HECTD2: variants seen among roughly 807,000 people sequenced by gnomAD.
HECTD2 encodes HECT domain E3 ubiquitin protein ligase 2.
HECTD2 carries 35 observed loss-of-function variants against 103.2 expected under a neutral mutation model. The ratio of observed to expected loss-of-function variants is 0.34; its 90% confidence interval spans 0.26 to 0.45. The LOEUF is 0.45. Among genes scored for constraint, HECTD2 ranks in the 20% least tolerant of loss-of-function variants. The pLI, the probability that HECTD2 is intolerant of heterozygous loss-of-function variation, is 1.00. For missense variants in HECTD2, 596 were observed against 937.4 expected, an observed-to-expected ratio of 0.64 and a Z score of 4.76; for synonymous variants, 281 against 329.9, an observed-to-expected ratio of 0.85 and a Z score of 1.61.
At chr10:91,433,933 T>A (rs1283372965) in intron 2 of HECTD2, among the ~76,000 whole-genome samples, 1 of 152,000 alleles carries the variant, frequency 6.6e-6, no homozygotes, top group Non-Finnish European at 1.5e-5. Flanking sequence ...GTAAGGTATG[T>A]CCAGATTAAG....
chr10:91,504,314 T>C (rs553713598), intron 20 of HECTD2, among the ~76,000 whole-genome samples: 41 of 151,956 alleles, frequency 2.7e-4, no homozygotes, highest in African/African-American at 9.9e-4. Flanking sequence ...AGGCTTCAGA[T>C]GATCAAATTA....
At chr10:91,508,837 C>T (rs988469489) in intron 20 of HECTD2, among the ~76,000 whole-genome samples, 12 of 151,890 alleles carry the variant, frequency 7.9e-5, no homozygotes, top group African/African-American at 1.9e-4. Context: ...ATGTTTATTG[C>T]GGTATTATTC....
intron 5 of HECTD2, chr10:91,462,494 G>A (rs771308307): frequency 1.3e-4 from 151 of 1,147,934 alleles, no homozygotes; most frequent in Non-Finnish European, 1.3e-4. Context: ...CTGTAGATCA[G>A]TGGTTCTTAA....
intron 2 of HECTD2, among the ~76,000 whole-genome samples, chr10:91,454,312 G>A (rs945427247): frequency 6.6e-6 from 1 of 152,074 alleles, no homozygotes; most frequent in African/African-American, 2.4e-5. Context: ...TTGAGATAAT[G>A]TAAAGTGTGT....
At chr10:91,461,120 T>A (rs1020914627) in intron 3 of HECTD2, 134 bp from the exon 4 acceptor site, 3 of 472,600 alleles carry the variant, frequency 6.3e-6, no homozygotes, top group African/African-American at 6.2e-5. Flanking sequence ...ATCCATAAAC[T>A]ATATTAACTG....
chr10:91,508,217 G>A lies in HECTD2; in HGVS notation c.2211-4047G>A, dbSNP rs1335788952. On this transcript the variant is annotated intron_variant, in intron 20 of 20. Transcript: ENST00000298068. ...CATTCAGGACATAGGCATGGGCAAG[G>A]ACTTCATGTCTAAAACACCAAAAGC... Among the ~76,000 whole-genome samples the A allele has an allele frequency of 3.3e-3, 429 of 128,984 alleles. 3 individuals are homozygous for A. The highest frequency in any genetic ancestry group is 7.5e-3 in the Middle Eastern group (2 of 268). The allele number at this position is 128,984 out of a possible 152,430, so 84.6% of individuals were successfully genotyped here.
intron 2 of HECTD2, among the ~76,000 whole-genome samples, chr10:91,431,499 C>T (rs1446818738): frequency 6.6e-6 from 1 of 152,096 alleles, no homozygotes; most frequent in East Asian, 1.9e-4. Context: ...CCATTCTCCC[C>T]GTCACTTTCA....
At chr10:91,411,019 T>G (rs758101038) in intron 1 of HECTD2, among the ~76,000 whole-genome samples, 7 of 152,198 alleles carry the variant, frequency 4.6e-5, no homozygotes, top group Non-Finnish European at 8.8e-5. Context: ...CCCTTCCCCC[T>G]TCAGATTAAA....
intron 5 of HECTD2, among the ~76,000 whole-genome samples, chr10:91,475,920 G>A (rs1334349702): frequency 6.6e-6 from 1 of 152,158 alleles, no homozygotes; most frequent in Non-Finnish European, 1.5e-5. Flanking sequence ...GACCCTGGAG[G>A]TGGGGACCTG....
At chr10:91,479,947 C>T (rs970065564) in intron 6 of HECTD2, among the ~76,000 whole-genome samples, 1 of 152,014 alleles carries the variant, frequency 6.6e-6, no homozygotes, top group African/African-American at 2.4e-5. Context: ...AAGTTTTCCA[C>T]CTACTTTTGC....
chr10:91,452,044 G>T (rs1374842389), intron 2 of HECTD2, among the ~76,000 whole-genome samples: 1 of 152,052 alleles, frequency 6.6e-6, no homozygotes, highest in Admixed American at 6.6e-5. Context: ...GAATGGAGGG[G>T]ATAGGAATCA....
chr10:91,477,645 A>C (rs1400063317), intron 5 of HECTD2, among the ~76,000 whole-genome samples: 1 of 152,252 alleles, frequency 6.6e-6, no homozygotes, highest in African/African-American at 2.4e-5. Flanking sequence ...TTTAAATAAA[A>C]GCATAATATA....
chr10:91,499,000 G>C (rs1846788176), intron 17 of HECTD2, 41 bp downstream of exon 17: 1 of 1,551,510 alleles, frequency 6.4e-7, no homozygotes, highest in Non-Finnish European at 8.9e-7. Context: ...ATTAGTATTT[G>C]CCATTTACTT....
chr10:91,427,185 A>C (rs1420228619), intron 2 of HECTD2, among the ~76,000 whole-genome samples: 3 of 151,320 alleles, frequency 2.0e-5, no homozygotes, highest in Non-Finnish European at 4.4e-5. Context: ...TGAACTCATC[A>C]TTTTTTATGG....
intron 5 of HECTD2, among the ~76,000 whole-genome samples, chr10:91,466,678 G>A (rs1409457556): frequency 2.6e-5 from 4 of 152,080 alleles, no homozygotes; most frequent in South Asian, 2.1e-4. Context: ...ACCCAAATGA[G>A]TTAACAATTT....
chr10:91,485,559 C>T, intron 10 of HECTD2: 1 of 323,498 alleles, frequency 3.1e-6, no homozygotes, highest in Non-Finnish European at 5.5e-6. Context: ...TCTTAATATG[C>T]AGTCTCTTAT....
chr10:91,449,550 C>G (rs553680043), intron 2 of HECTD2, among the ~76,000 whole-genome samples: 1 of 152,190 alleles, frequency 6.6e-6, no homozygotes, highest in East Asian at 1.9e-4. Flanking sequence ...CCAGGGCAAT[C>G]AGGCAAGTGA....
chr10:91,470,625 G>A (rs1380437757), intron 5 of HECTD2, among the ~76,000 whole-genome samples: 1 of 151,912 alleles, frequency 6.6e-6, no homozygotes, highest in Non-Finnish European at 1.5e-5. Flanking sequence ...ATCACACCTA[G>A]AAAATCTACA....
chr10:91,417,598 G>C (rs1021110577), intron 1 of HECTD2, among the ~76,000 whole-genome samples: 1 of 150,274 alleles, frequency 6.7e-6, no homozygotes, highest in Non-Finnish European at 1.5e-5. Context: ...TCCCACCTAC[G>C]AGTGAGAACA....
Sources: allele counts gnomAD v4.1 joint callset (sites outside exome capture counted in the v4.1 genomes callset), GRCh38; gene constraint gnomAD v4.1.1; transcripts MANE v1.5; gene names NCBI Gene and HGNC (gene_info 2026-07-23, HGNC 2026-07-21).